The following CACNA1E variants were observed in gnomAD, a reference collection of about 807,000 sequenced individuals.
CACNA1E encodes the protein calcium voltage-gated channel subunit alpha1 E, also known as voltage-dependent R-type calcium channel subunit alpha-1E.
CACNA1E carries 40 observed loss-of-function variants against 259.2 expected under a neutral mutation model. That is an observed-to-expected ratio of 0.15 (90% CI 0.12 to 0.20). The LOEUF is 0.20. Ranked by LOEUF, CACNA1E falls within the 10% of genes least tolerant of loss-of-function variation. The pLI is 1.00. For synonymous variants in CACNA1E, 1,104 were observed against 1,138.5 expected, an observed-to-expected ratio of 0.97 and a Z score of 0.61; for missense variants, 1,874 against 3,040.1, an observed-to-expected ratio of 0.62 and a Z score of 9.02.
intron 18 of CACNA1E, 121 bp from the exon 19 acceptor site, chr1:181,731,054 A>G (rs908872233): frequency 6.8e-6 from 5 of 737,168 alleles, no homozygotes; most frequent in South Asian, 1.5e-5. Context: ...AAGCAGGCAC[A>G]TGGAGACCTG....
rs1662141396 is a variant in CACNA1E at position 181,799,811 on chromosome 1, C to CAAACAG, written c.*978_*979insAACAGA. 6.6e-6 allele frequency: 1 copy of CAAACAG among 151,954 alleles called. No individual in the cohort carries two copies. The highest frequency in any genetic ancestry group is 1.5e-5 in the Non-Finnish European group (1 of 67,980). The allele number at this position is 151,954 out of a possible 1,614,324, so 9.4% of individuals were successfully genotyped here. A position where few individuals can be genotyped will look rare whatever the true frequency, so the allele number is the denominator to read the frequency against. On this transcript the variant is annotated 3_prime_UTR_variant, in exon 48 of 48. Coordinates refer to ENST00000367573, the MANE Select transcript of CACNA1E (RefSeq NM_001205293.3). ...CAGGGGCCACCTAAGAGATTAAAAA[C>CAAACAG]AGTCTGTTTTCCAACCAGTGTGGAA... is the stretch of plus-strand genomic sequence containing the variant.
chr1:181,797,540 A>G (rs546736408), intron 47 of CACNA1E, among the ~76,000 whole-genome samples: 1 of 152,280 alleles, frequency 6.6e-6, no homozygotes, highest in Non-Finnish European at 1.5e-5. Flanking sequence ...ACAGTTTTCA[A>G]ATTTTAGTGC....
chr1:181,604,876 A>AAG (rs1420184684), intron 6 of CACNA1E, among the ~76,000 whole-genome samples: 1 of 152,118 alleles, frequency 6.6e-6, no homozygotes, highest in Non-Finnish European at 1.5e-5. Flanking sequence ...TGAATCTTTT[A>AAG]TCCCTTTCTA....
chr1:181,417,697 A>G (rs1179842403), intron 2 of CACNA1E, among the ~76,000 whole-genome samples: 2 of 152,100 alleles, frequency 1.3e-5, no homozygotes, highest in African/African-American at 2.4e-5. Context: ...ATTATTTCAC[A>G]TGCTTTTCCC....
At chr1:181,616,163 C>G (rs1655187804) in intron 6 of CACNA1E, among the ~76,000 whole-genome samples, 1 of 152,078 alleles carries the variant, frequency 6.6e-6, no homozygotes, top group Admixed American at 6.6e-5. Flanking sequence ...ATTTGCTTTT[C>G]TTGCAATGCT....
intron 25 of CACNA1E, among the ~76,000 whole-genome samples, chr1:181,748,259 C>T (rs1217049212): frequency 1.3e-5 from 2 of 152,058 alleles, no homozygotes; most frequent in Non-Finnish European, 2.9e-5. Flanking sequence ...TTAGAGTGTA[C>T]CATTAAGGAA....
At chr1:181,520,900 G>C (rs532651257) in intron 3 of CACNA1E, among the ~76,000 whole-genome samples, 33 of 152,260 alleles carry the variant, frequency 2.2e-4, no homozygotes, top group African/African-American at 7.7e-4. Context: ...ACACAGGCCA[G>C]AGGGGTCAGC....
chr1:181,692,728 A>G (rs1446486814), intron 7 of CACNA1E, among the ~76,000 whole-genome samples: 1 of 152,184 alleles, frequency 6.6e-6, no homozygotes, highest in Non-Finnish European at 1.5e-5. Flanking sequence ...CATTTTGGAC[A>G]TCAGCCTTGA....
intron 1 of CACNA1E, among the ~76,000 whole-genome samples, chr1:181,348,836 G>T (rs966464392): frequency 6.6e-6 from 1 of 152,184 alleles, no homozygotes. Flanking sequence ...GAGCCTGTGG[G>T]GAGCAGCAGT....
chr1:181,605,857 G>A (rs1349579570), intron 6 of CACNA1E, among the ~76,000 whole-genome samples: 4 of 152,166 alleles, frequency 2.6e-5, no homozygotes, highest in Non-Finnish European at 5.9e-5. Flanking sequence ...TGGAGATTTT[G>A]GCATTGACAT....
chr1:181,418,500 C>G (rs1658455692), intron 2 of CACNA1E, among the ~76,000 whole-genome samples: 1 of 152,138 alleles, frequency 6.6e-6, no homozygotes. Flanking sequence ...TACTGCTGAC[C>G]TCTAAATTGG....
In CACNA1E at chr1:181,763,165, T is replaced by G. The variant is rs80000941; in HGVS notation, c.4690-241T>G. Among the ~76,000 whole-genome samples the G allele has an allele frequency of 2.9e-3, 434 of 152,252 alleles. 2 individuals are homozygous for G. Among genetic ancestry groups the G allele is most frequent in the Admixed American group, 5.6e-3 (85 of 15,292 alleles). On this transcript the variant is annotated intron_variant, in intron 33 of 47. Transcript: ENST00000367573. The stretch of plus-strand genomic sequence containing the variant: ...AGTAGAAGACTAGGGAGGCTGGTTT[T>G]GTGTGCAGGGTACCCTTCTCCAGTA...
intron 3 of CACNA1E, among the ~76,000 whole-genome samples, chr1:181,537,069 TG>T (rs1668222196): frequency 6.7e-6 from 1 of 149,990 alleles, no homozygotes; most frequent in Admixed American, 6.7e-5. Flanking sequence ...TTCTGAGGGC[TG>T]GGGGCCGTGG....
chr1:181,409,077 G>A (rs1167215767), intron 1 of CACNA1E, among the ~76,000 whole-genome samples: 1 of 152,154 alleles, frequency 6.6e-6, no homozygotes. Context: ...AAAGTTTACA[G>A]GACTTTATAA....
intron 27 of CACNA1E, among the ~76,000 whole-genome samples, chr1:181,753,930 C>T (rs1030135046): frequency 6.6e-6 from 1 of 152,196 alleles, no homozygotes; most frequent in African/African-American, 2.4e-5. Context: ...AGAGAGACAC[C>T]CATGCTCCCA....
chr1:181,525,888 G>A (rs60434773), intron 3 of CACNA1E, among the ~76,000 whole-genome samples: 12,124 of 152,164 alleles, frequency 0.08, 595 homozygotes, highest in South Asian at 0.24. Context: ...TGGATCTAGG[G>A]GAGCTATCCT....
At chr1:181,736,178 C>T in intron 21 of CACNA1E, 97 bp from the exon 22 acceptor site, 3 of 1,438,812 alleles carry the variant, frequency 2.1e-6, no homozygotes, top group Non-Finnish European at 2.8e-6. Flanking sequence ...CCCTGGAGCC[C>T]TTTCTCCTCC....
rs1486060940 is a variant in CACNA1E at position 181,463,224 on chromosome 1, TAATAA to T, written c.435-20515_435-20511del. 2.0e-5 allele frequency among the ~76,000 whole-genome samples: 3 copies of T among 152,138 alleles called. No homozygotes were observed. In the East Asian group the frequency reaches 5.8e-4, roughly 29 times the overall value. Reference sequence around the variant, plus strand: ...ACAGGAAGAGATGAATAATAACTATTAATAAAATAGAACAATTATGTGATATACTG... The same window carrying T: ...ACAGGAAGAGATGAATAATAACTATTAATAGAACAATTATGTGATATACTG... On this transcript the variant is annotated intron_variant, in intron 2 of 11. Transcript: ENST00000524607.
At chr1:181,771,665 C>T in intron 36 of CACNA1E, 1 of 475,804 alleles carries the variant, frequency 2.1e-6, no homozygotes. Flanking sequence ...AAAATTTCAT[C>T]AATGTCTTTG....
Sources: allele counts gnomAD v4.1 joint callset (sites outside exome capture counted in the v4.1 genomes callset), GRCh38; gene constraint gnomAD v4.1.1; transcripts MANE v1.5; gene names NCBI Gene and HGNC (gene_info 2026-07-23, HGNC 2026-07-21).